The following RNF217 variants were observed in gnomAD, a reference collection of about 807,000 sequenced individuals.
RNF217 encodes E3 ubiquitin-protein ligase RNF217.
In RNF217, 31 loss-of-function variants were observed where a neutral mutation model predicts 57.8. That is an observed-to-expected ratio of 0.54 (90% CI 0.40 to 0.72). The LOEUF is 0.72. Among genes scored for constraint, RNF217 ranks in the 30% least tolerant of loss-of-function variants. The pLI is 0.00. For missense variants in RNF217, 696 were observed against 708.3 expected (o/e 0.98, Z 0.20); for synonymous variants, 313 against 294.0 (o/e 1.06, Z -0.66).
chr6:125,030,042 C>T (rs1157001698), intron 1 of RNF217, among the ~76,000 whole-genome samples: 1 of 152,084 alleles, frequency 6.6e-6, no homozygotes, highest in Non-Finnish European at 1.5e-5. Context: ...AGGTGAAAGG[C>T]ATTTCTTACA....
intron 1 of RNF217, among the ~76,000 whole-genome samples, chr6:124,997,133 T>C (rs1222925039): frequency 6.6e-6 from 1 of 152,200 alleles, no homozygotes; most frequent in Non-Finnish European, 1.5e-5. Flanking sequence ...GTTAAACTGA[T>C]GAGAAGAGAA....
chr6:125,042,320 A>G (rs1786913708), intron 1 of RNF217, among the ~76,000 whole-genome samples: 1 of 152,104 alleles, frequency 6.6e-6, no homozygotes. Context: ...AATGCTCAAC[A>G]GACACTTTAA....
chr6:125,078,170 C>T (rs1047432359), intron 4 of RNF217, among the ~76,000 whole-genome samples: 4 of 152,004 alleles, frequency 2.6e-5, no homozygotes, highest in African/African-American at 7.2e-5. Flanking sequence ...ATTATATAAC[C>T]AATATGTATG....
intron 1 of RNF217, among the ~76,000 whole-genome samples, chr6:124,985,574 A>AAC (rs1582671102): frequency 1.3e-5 from 2 of 152,312 alleles, no homozygotes. Context: ...TCTACATATT[A>AAC]ACATGATATA....
At chr6:124,969,977 T>A (rs1783700175) in intron 1 of RNF217, among the ~76,000 whole-genome samples, 1 of 152,080 alleles carries the variant, frequency 6.6e-6, no homozygotes, top group South Asian at 2.1e-4. Flanking sequence ...TAATAAGGTG[T>A]AAAGTTCCAA....
chr6:125,059,536 A>G (rs376433554), intron 3 of RNF217, among the ~76,000 whole-genome samples: 2 of 152,208 alleles, frequency 1.3e-5, no homozygotes, highest in African/African-American at 4.8e-5. Flanking sequence ...ATCCTTTGGA[A>G]AGCTGTAAAA....
intron 2 of RNF217, among the ~76,000 whole-genome samples, chr6:125,049,842 T>C (rs1374715062): frequency 6.6e-6 from 1 of 151,752 alleles, no homozygotes; most frequent in Non-Finnish European, 1.5e-5. Flanking sequence ...ATTGACTATG[T>C]CTGGAAGAGG....
chr6:125,010,501 T>C (rs1382640734), intron 1 of RNF217, among the ~76,000 whole-genome samples: 1 of 152,236 alleles, frequency 6.6e-6, no homozygotes, highest in Non-Finnish European at 1.5e-5. Flanking sequence ...GATTTGGATG[T>C]CTATACCAAT....
chr6:125,009,585 A>T (rs1785342426), intron 1 of RNF217: 1 of 298,534 alleles, frequency 3.3e-6, no homozygotes, highest in Non-Finnish European at 6.1e-6. Flanking sequence ...ATTGCATTAG[A>T]ATTATAGGCT....
chr6:125,087,436 T>C lies in RNF217; in HGVS notation c.*4499T>C, dbSNP rs949563419. 8 of 152,276 alleles carry C rather than the reference T, an allele frequency of 5.3e-5. No homozygotes were observed. The highest frequency in any genetic ancestry group is 1.7e-4 in the African/African-American group (7 of 41,578). The allele number at this position is 152,276 out of a possible 1,614,324, so 9.4% of individuals were successfully genotyped here. A position where few individuals can be genotyped will look rare whatever the true frequency, so the allele number is the denominator to read the frequency against. On this transcript the variant is annotated 3_prime_UTR_variant, in exon 6 of 6. Transcript: ENST00000521654. ...CAACTATTGAGAGTGATCTTTCCCA[T>C]GGTCTGCTTTATTGTTTTGTGTTAA...
chr6:124,963,587 T>C (rs1453651517), intron 1 of RNF217, among the ~76,000 whole-genome samples, 161 bp downstream of exon 1: 1 of 152,256 alleles, frequency 6.6e-6, no homozygotes, highest in African/African-American at 2.4e-5. Context: ...AAGTGTATTA[T>C]GACCTCACTG....
rs951525064 is a variant in RNF217 at position 124,979,628 on chromosome 6, G to A, written c.882+16202G>A. ...TTGCAGCAGCACAGAGAGCAGAGGGGAATCTGAAAGAGATGACTTACAAAG... is the reference window on the plus strand; with the variant it reads ...TTGCAGCAGCACAGAGAGCAGAGGGAAATCTGAAAGAGATGACTTACAAAG... On this transcript the variant is annotated intron_variant, in intron 1 of 5. Transcript: ENST00000521654. Among the ~76,000 whole-genome samples the A allele has an allele frequency of 2.6e-5, 4 of 152,176 alleles. No homozygotes were observed. In the South Asian group the frequency reaches 8.3e-4, roughly 32 times the overall value.
chr6:125,005,420 A>G (rs1314075332), intron 1 of RNF217, among the ~76,000 whole-genome samples: 1 of 152,158 alleles, frequency 6.6e-6, no homozygotes, highest in Non-Finnish European at 1.5e-5. Flanking sequence ...ACAAGGTGAA[A>G]CTCTTTAATC....
intron 1 of RNF217, among the ~76,000 whole-genome samples, chr6:125,044,553 A>G (rs1787022320): frequency 4.6e-5 from 7 of 152,078 alleles, no homozygotes; most frequent in Admixed American, 2.6e-4. Context: ...TTACCGCAGT[A>G]GCAGCCAGAT....
intron 1 of RNF217, among the ~76,000 whole-genome samples, chr6:125,040,813 CATA>C (rs1463992499): frequency 6.6e-5 from 10 of 151,922 alleles, no homozygotes; most frequent in African/African-American, 2.4e-4. Flanking sequence ...ATTATGTAAT[CATA>C]ATCACATAAA....
intron 1 of RNF217, among the ~76,000 whole-genome samples, chr6:125,031,997 A>G (rs501934): frequency 0.039 from 5,873 of 152,260 alleles, 155 homozygotes; most frequent in South Asian, 0.083. Context: ...CACTCCTTAC[A>G]TGGCAGCAGC....
chr6:124,966,612 AAAAT>A (rs1241473501), intron 1 of RNF217, among the ~76,000 whole-genome samples: 1 of 152,250 alleles, frequency 6.6e-6, no homozygotes, highest in East Asian at 1.9e-4. Flanking sequence ...ATCATTTAAG[AAAAT>A]AAAAGAGTCC....
intron 1 of RNF217, among the ~76,000 whole-genome samples, chr6:124,998,885 A>G (rs902026424): frequency 6.6e-6 from 1 of 152,212 alleles, no homozygotes; most frequent in Non-Finnish European, 1.5e-5. Context: ...CAAGGAATCT[A>G]TTCTCACTTT....
intron 2 of RNF217, among the ~76,000 whole-genome samples, chr6:125,048,707 A>AT (rs1787191787): frequency 6.6e-6 from 1 of 152,106 alleles, no homozygotes; most frequent in African/African-American, 2.4e-5. Context: ...GGGGGTTTTA[A>AT]TTTTTGTGAA....
Sources: gnomAD v4.1 joint callset for allele counts (sites outside exome capture counted in the v4.1 genomes callset) on GRCh38, gnomAD v4.1.1 for gene constraint, MANE v1.5 for transcripts, NCBI Gene and HGNC (gene_info 2026-07-23, HGNC 2026-07-21) for gene names.